Variants in DST observed in about 807,000 individuals in gnomAD.
The protein encoded by DST is dystonin, also known as bullous pemphigoid antigen.
DST carries 253 observed loss-of-function variants against 875.2 expected under a neutral mutation model. The observed-to-expected ratio is 0.29, with a 90% confidence interval of 0.26 to 0.32. The LOEUF (loss-of-function observed/expected upper bound fraction) is 0.32, where lower values mean the gene tolerates loss of function less well. Among genes scored for constraint, DST ranks in the 10% least tolerant of loss-of-function variants. The probability of loss-of-function intolerance (pLI) is 1.00; values close to 1 mark genes in which losing one functional copy is unlikely to be tolerated. For synonymous variants in DST, 3,124 were observed against 3,197.1 expected, an observed-to-expected ratio of 0.98 and a Z score of 0.77; for missense variants, 8,287 against 9,111.6, an observed-to-expected ratio of 0.91 and a Z score of 3.68.
At chr6:56,921,056 T>G (rs1803978353) in intron 2 of DST, among the ~76,000 whole-genome samples, 1 of 151,886 alleles carries the variant, frequency 6.6e-6, no homozygotes, top group South Asian at 2.1e-4. Context: ...GCAGCAGACA[T>G]TTTTAAACAA....
At chr6:56,916,843 A>T (rs1801407279) in intron 2 of DST, among the ~76,000 whole-genome samples, 1 of 148,664 alleles carries the variant, frequency 6.7e-6, no homozygotes, top group South Asian at 2.2e-4. Context: ...GAGAGAGAAA[A>T]GCTATTCAGG....
chr6:56,579,993 G>A (rs2097939644), intron 49 of DST, among the ~76,000 whole-genome samples: 1 of 152,204 alleles, frequency 6.6e-6, no homozygotes, highest in South Asian at 2.1e-4. Flanking sequence ...GCCAAGGGCT[G>A]AAGACAATTC....
intron 5 of DST, among the ~76,000 whole-genome samples, chr6:56,704,870 A>G (rs1229501777): frequency 6.6e-6 from 1 of 152,234 alleles, no homozygotes; most frequent in Non-Finnish European, 1.5e-5. Context: ...TTATGAGCCT[A>G]TAATTATTTC....
intron 61 of DST, among the ~76,000 whole-genome samples, chr6:56,551,852 G>C (rs1418059118): frequency 3.9e-5 from 6 of 152,112 alleles, no homozygotes. Flanking sequence ...CTGCAATAGA[G>C]TTCAAAACAC....
At chr6:56,748,496 AATACG>A (rs1364483274) in intron 4 of DST, among the ~76,000 whole-genome samples, 1 of 152,212 alleles carries the variant, frequency 6.6e-6, no homozygotes, top group Non-Finnish European at 1.5e-5. Flanking sequence ...ATAAGCACTA[AATACG>A]ATAATAGAGT....
chr6:56,628,151 A>C lies in DST; in HGVS notation c.4486T>G (p.Leu1496Val). 1 of 1,613,560 alleles carries C rather than the reference A, an allele frequency of 6.2e-7. No homozygotes were observed. Residue 1496 changes from leucine to valine, a missense_variant, in exon 33 of 104, where the codon TTA becomes GTA. This residue lies in a region of DST where 3,138 missense variants were observed against 3,116.6 expected (regional missense o/e 1.01). Transcript: ENST00000680361. ...TTCAGTGATTTGCCAATGCCCTCTA[A>C]GTCCCGTAACCTAAGAGAATAGTAA... ...HVQIDNRLRD[L>V]EGIGKSLKYY...
chr6:56,818,438 G>T (rs931903193), intron 4 of DST, among the ~76,000 whole-genome samples: 2 of 152,082 alleles, frequency 1.3e-5, no homozygotes, highest in African/African-American at 4.8e-5. Context: ...ACATTGATCT[G>T]TGATGGCATG....
chr6:56,616,768 A>G lies in DST; in HGVS notation c.4930-2284T>C, dbSNP rs763070150. 8.1e-6 allele frequency: 13 copies of G among 1,613,974 alleles called. No individual in the cohort carries two copies. Among genetic ancestry groups the G allele is most frequent in the Non-Finnish European group, 1.0e-5 (12 of 1,180,032 alleles). ...TACCTTTTTGTCTGTCAAGCATTCT[A>G]TTTTCCATAGCTTGAAACACTGACA... On this transcript the variant is annotated intron_variant, in intron 36 of 103. Transcript: ENST00000680361.
intron 2 of DST, among the ~76,000 whole-genome samples, chr6:56,947,955 ACACAC>A (rs148890998): frequency 6.6e-6 from 1 of 152,264 alleles, no homozygotes; most frequent in African/African-American, 2.4e-5. Flanking sequence ...TCCTATACAA[ACACAC>A]CTATGATAAA....
In DST at chr6:56,631,995, C is replaced by G; in HGVS notation, c.3851G>C (p.Arg1284Pro). Reference sequence around the variant, plus strand: ...GTTCTCTAACCGAAGTCTAATGTTTCGAACTTCAGAGATGTAGAGATTATA... The same window carrying G: ...GTTCTCTAACCGAAGTCTAATGTTTGGAACTTCAGAGATGTAGAGATTATA... ...SVYNLYISEV[R>P]NIRLRLENCE... The change falls in exon 29 of 104, where the codon CGA becomes CCA. Residue 1284 changes from arginine (R) to proline (P), a missense_variant. Transcript: ENST00000680361. The G allele has an allele frequency of 6.2e-7, 1 of 1,613,572 alleles. No homozygotes were observed. Among genetic ancestry groups the G allele is most frequent in the Non-Finnish European group, 8.5e-7 (1 of 1,179,560 alleles).
chr6:56,771,293 C>A (rs2099661646), intron 4 of DST, among the ~76,000 whole-genome samples: 1 of 151,984 alleles, frequency 6.6e-6, no homozygotes, highest in African/African-American at 2.4e-5. Context: ...TTCATAAATT[C>A]TTTAACACAG....
chr6:56,697,423 A>G, intron 9 of DST, among the ~76,000 whole-genome samples: 1 of 152,164 alleles, frequency 6.6e-6, no homozygotes, highest in East Asian at 1.9e-4. Context: ...TTAATTGAGC[A>G]AAAAACGATT....
chr6:56,623,978 T>C (rs2098712092), intron 36 of DST, among the ~76,000 whole-genome samples: 1 of 151,608 alleles, frequency 6.6e-6, no homozygotes, highest in Non-Finnish European at 1.5e-5. Context: ...ATGTGCTATA[T>C]CTTTTTGCAA....
chr6:56,902,751 GTA>G (rs1794712222), intron 2 of DST, among the ~76,000 whole-genome samples: 1 of 152,194 alleles, frequency 6.6e-6, no homozygotes, highest in Non-Finnish European at 1.5e-5. Flanking sequence ...AACTCAGGAG[GTA>G]CTACAGCAGC....
At chr6:56,468,789 TGA>T (rs575528444) in intron 98 of DST, among the ~76,000 whole-genome samples, 191 bp downstream of exon 98, 60 of 152,324 alleles carry the variant, frequency 3.9e-4, no homozygotes, top group African/African-American at 1.3e-3. Flanking sequence ...TCTCCTCATC[TGA>T]GAGACACAAG....
At chr6:56,797,785 T>C (rs1590657694) in intron 4 of DST, among the ~76,000 whole-genome samples, 2 of 126,596 alleles carry the variant, frequency 1.6e-5, no homozygotes, top group Non-Finnish European at 3.1e-5. Context: ...GCCATTGCAC[T>C]CCAGCCTGGG....
At chr6:56,684,719 C>T (rs1055547690) in intron 9 of DST, among the ~76,000 whole-genome samples, 1 of 152,150 alleles carries the variant, frequency 6.6e-6, no homozygotes, top group Non-Finnish European at 1.5e-5. Context: ...CACAGTAATC[C>T]AGCTTCCTCT....
At position 56,885,499 on chromosome 6, in the gene DST, T is replaced by C. The variant is rs114297504; in HGVS notation, c.417+14922A>G. Reference sequence around the variant, plus strand: ...ATATTTGCTTAGGTATCTGCTTTGGTTTGAATGTTGTATCCCACCCAAAAT... The same window carrying C: ...ATATTTGCTTAGGTATCTGCTTTGGCTTGAATGTTGTATCCCACCCAAAAT... On this transcript the variant is annotated intron_variant, in intron 3 of 103. Coordinates refer to ENST00000680361, the MANE Select transcript of DST (RefSeq NM_001374736.1). Among the ~76,000 whole-genome samples, 1,378 of 152,270 alleles carry C rather than the reference T, an allele frequency of 9.0e-3. 22 individuals are homozygous for C. Among genetic ancestry groups the C allele is most frequent in the African/African-American group, 0.032 (1,309 of 41,542 alleles).
intron 4 of DST, among the ~76,000 whole-genome samples, chr6:56,826,287 T>C (rs1486619785): frequency 6.6e-6 from 1 of 152,262 alleles, no homozygotes. Context: ...TGTCACTTAA[T>C]ACCCACAATG....
Sources: gnomAD v4.1 joint callset for allele counts (sites outside exome capture counted in the v4.1 genomes callset) on GRCh38, gnomAD v4.1.1 for gene constraint, gnomAD v4.1.1 regional missense constraint, MANE v1.5 for transcripts, NCBI Gene and HGNC (gene_info 2026-07-23, HGNC 2026-07-21) for gene names.